PHACTR1: variants seen among roughly 807,000 people sequenced by gnomAD.
PHACTR1 encodes the protein phosphatase and actin regulator 1, also known as RPEL repeat containing 1.
A neutral mutation model predicts 69.2 loss-of-function variants in PHACTR1; 16 were observed. The observed-to-expected ratio is 0.23, with a 90% CI of 0.16 to 0.35. The LOEUF (loss-of-function observed/expected upper bound fraction) is 0.35. PHACTR1 is among the 10% of genes least tolerant of loss of function. The probability of loss-of-function intolerance (pLI) is 1.00; values close to 1 mark genes in which losing one functional copy is unlikely to be tolerated. For missense variants in PHACTR1, 510 were observed against 734.7 expected, an observed-to-expected ratio of 0.69 and a Z score of 3.54; for synonymous variants, 312 against 284.5, an observed-to-expected ratio of 1.10 and a Z score of -0.97.
intron 4 of PHACTR1, among the ~76,000 whole-genome samples, chr6:12,889,930 G>A (rs1784014384): frequency 6.6e-6 from 1 of 151,664 alleles, no homozygotes; most frequent in Non-Finnish European, 1.5e-5. Flanking sequence ...GCTACTACCT[G>A]GTCCAGGGCA....
chr6:12,873,493 T>C (rs1376417679), intron 4 of PHACTR1, among the ~76,000 whole-genome samples: 3 of 151,952 alleles, frequency 2.0e-5, no homozygotes, highest in African/African-American at 7.3e-5. Flanking sequence ...ATAAGTGCGT[T>C]ACTGAGCCTT....
intron 5 of PHACTR1, among the ~76,000 whole-genome samples, chr6:13,099,470 T>C (rs534840112): frequency 6.6e-6 from 1 of 152,332 alleles, no homozygotes; most frequent in East Asian, 1.9e-4. Context: ...TCAGACTGGC[T>C]CTTTTAGAGC....
At chr6:12,828,704 G>T (rs375656697) in intron 4 of PHACTR1, among the ~76,000 whole-genome samples, 5 of 151,912 alleles carry the variant, frequency 3.3e-5, no homozygotes, top group African/African-American at 1.2e-4. Flanking sequence ...TATTGCTTTT[G>T]TAATAAACAA....
At chr6:13,247,874 A>AT (rs141006655) in intron 10 of PHACTR1, among the ~76,000 whole-genome samples, 12,404 of 152,222 alleles carry the variant, frequency 0.081, 1,560 homozygotes, top group African/African-American at 0.27. Flanking sequence ...CTTTAAAAAA[A>AT]AACAAAAATT....
chr6:12,997,306 ATATT>A (rs1281472977), intron 4 of PHACTR1, among the ~76,000 whole-genome samples: 1 of 147,890 alleles, frequency 6.8e-6, no homozygotes, highest in Non-Finnish European at 1.5e-5. Flanking sequence ...TGTATATTAT[ATATT>A]TATGTATAAG....
At chr6:13,184,518 A>C (rs1762581129) in intron 7 of PHACTR1, among the ~76,000 whole-genome samples, 1 of 152,142 alleles carries the variant, frequency 6.6e-6, no homozygotes, top group Non-Finnish European at 1.5e-5. Flanking sequence ...TGAGTTTGAA[A>C]TGGTCAAGTG....
chr6:12,815,615 C>G (rs1581883679), intron 4 of PHACTR1, among the ~76,000 whole-genome samples: 1 of 152,310 alleles, frequency 6.6e-6, no homozygotes, highest in Admixed American at 6.5e-5. Flanking sequence ...TTCACCTTCT[C>G]CCAAATTAAG....
intron 4 of PHACTR1, among the ~76,000 whole-genome samples, chr6:12,789,140 T>C (rs1771909358): frequency 6.6e-6 from 1 of 152,184 alleles, no homozygotes; most frequent in African/African-American, 2.4e-5. Flanking sequence ...GTTTTCCCAC[T>C]TCCCTGACAC....
intron 4 of PHACTR1, among the ~76,000 whole-genome samples, chr6:12,790,442 C>G (rs1393137941): frequency 6.6e-6 from 1 of 152,210 alleles, no homozygotes; most frequent in Admixed American, 6.5e-5. Flanking sequence ...CCCTCAAGTT[C>G]TTGCAGAAGT....
intron 6 of PHACTR1, among the ~76,000 whole-genome samples, chr6:13,173,225 A>G (rs991587966): frequency 6.6e-6 from 1 of 152,268 alleles, no homozygotes; most frequent in Non-Finnish European, 1.5e-5. Flanking sequence ...ATGAAAAGTA[A>G]TGACAAAAAT....
intron 4 of PHACTR1, among the ~76,000 whole-genome samples, chr6:12,921,687 A>C (rs1361559402): frequency 1.7e-5 from 2 of 119,946 alleles, no homozygotes; most frequent in African/African-American, 6.7e-5. Flanking sequence ...AGAAGGAGGA[A>C]GGATGGAAAG....
intron 4 of PHACTR1, among the ~76,000 whole-genome samples, chr6:12,757,445 G>A (rs916182464): frequency 6.6e-6 from 1 of 152,166 alleles, no homozygotes; most frequent in Non-Finnish European, 1.5e-5. Flanking sequence ...TTTGCGCATA[G>A]GAGTAACACC....
chr6:13,044,722 C>T (rs1804750633), intron 4 of PHACTR1, among the ~76,000 whole-genome samples: 1 of 152,178 alleles, frequency 6.6e-6, no homozygotes, highest in South Asian at 2.1e-4. Flanking sequence ...GGACCCACAT[C>T]CTCCTAGTTT....
chr6:13,097,908 C>T (rs1032634057), intron 5 of PHACTR1, among the ~76,000 whole-genome samples: 2 of 152,162 alleles, frequency 1.3e-5, no homozygotes, highest in South Asian at 2.1e-4. Context: ...GTCTAATCTA[C>T]CTTTTATCTG....
chr6:12,779,270 G>A (rs1279539996), intron 4 of PHACTR1, among the ~76,000 whole-genome samples: 1 of 152,206 alleles, frequency 6.6e-6, no homozygotes, highest in Non-Finnish European at 1.5e-5. Flanking sequence ...GGGAGGCAGA[G>A]ATTGCGGTGA....
intron 7 of PHACTR1, among the ~76,000 whole-genome samples, chr6:13,197,828 A>G (rs752104414): frequency 6.6e-6 from 1 of 151,968 alleles, no homozygotes; most frequent in Admixed American, 6.5e-5. Context: ...CTCCTCCTCC[A>G]CAAGGCTCTG....
At chr6:12,839,696 A>T (rs890711278) in intron 4 of PHACTR1, among the ~76,000 whole-genome samples, 2 of 152,186 alleles carry the variant, frequency 1.3e-5, no homozygotes, top group Non-Finnish European at 2.9e-5. Flanking sequence ...AGATGTACAC[A>T]CAAGACAGTG....
intron 5 of PHACTR1, among the ~76,000 whole-genome samples, chr6:13,119,289 A>G (rs1818330473): frequency 7.9e-5 from 12 of 152,184 alleles, no homozygotes. Context: ...TTAAACTTCT[A>G]ACACTACTTG....
chr6:12,933,586 T>C (rs1231632761), intron 4 of PHACTR1: 1 of 1,600,502 alleles, frequency 6.2e-7, no homozygotes, highest in Non-Finnish European at 8.5e-7. Flanking sequence ...CTTTGTTATC[T>C]GACCTGGGCT....
Sources: gnomAD v4.1 joint callset for allele counts (sites outside exome capture counted in the v4.1 genomes callset) on GRCh38, gnomAD v4.1.1 for gene constraint, MANE v1.5 for transcripts, NCBI Gene and HGNC (gene_info 2026-07-23, HGNC 2026-07-21) for gene names.